DESI1: variants seen among roughly 807,000 people sequenced by gnomAD.
DESI1 encodes PPPDE peptidase domain containing 2.
A neutral mutation model predicts 22.4 loss-of-function variants in DESI1; 17 were observed. That is an observed-to-expected ratio of 0.76 (90% CI 0.52 to 1.14). The LOEUF (loss-of-function observed/expected upper bound fraction) is 1.14. Among genes scored for constraint, DESI1 ranks in the 50% most tolerant of loss-of-function variants. The probability of loss-of-function intolerance (pLI) is 0.00; values close to 1 mark genes in which losing one functional copy is unlikely to be tolerated. For missense variants in DESI1, 177 were observed against 208.9 expected, an observed-to-expected ratio of 0.85 and a Z score of 0.94; for synonymous variants, 92 against 84.2, an observed-to-expected ratio of 1.09 and a Z score of -0.51.
chr22:41,609,600 C>A (rs1203621371), intron 1 of DESI1, among the ~76,000 whole-genome samples: 3 of 151,188 alleles, frequency 2.0e-5, no homozygotes, highest in Non-Finnish European at 4.4e-5. Context: ...TCAAGACCAG[C>A]CTGGCCAACA....
At position 41,620,971 on chromosome 22, in the gene DESI1, G is replaced by A. The variant is rs2067592287; in HGVS notation, c.-132C>T. 1 of 940,562 alleles carries A rather than the reference G, an allele frequency of 1.1e-6. No homozygotes were observed. Among genetic ancestry groups the A allele is most frequent in the Non-Finnish European group, 1.6e-6 (1 of 628,364 alleles). The allele number at this position is 940,562 out of a possible 1,614,324, so 58.3% of individuals were successfully genotyped here. On this transcript the variant is annotated 5_prime_UTR_variant, in exon 1 of 6. Transcript: ENST00000263256. ...AGCCCGGGCCCGGGCTGAGGGGTGGGGGAGAGGCCGCCCTGCGCTGCTCGC... is the reference window on the plus strand; with the variant it reads ...AGCCCGGGCCCGGGCTGAGGGGTGGAGGAGAGGCCGCCCTGCGCTGCTCGC...
intron 3 of DESI1, among the ~76,000 whole-genome samples, chr22:41,605,214 T>C (rs2067472118): frequency 6.6e-6 from 1 of 152,196 alleles, no homozygotes; most frequent in African/African-American, 2.4e-5. Context: ...CTGGCAGATA[T>C]TTCCATAATT....
In DESI1 at chr22:41,602,878, C is replaced by T. The variant is rs534165705; in HGVS notation, c.413+381G>A. ...CAAATCAACAGCTACAAAACAAGCCCCCCTACTATTTTTCTGACCCCCTCT... is the reference window on the plus strand; with the variant it reads ...CAAATCAACAGCTACAAAACAAGCCTCCCTACTATTTTTCTGACCCCCTCT... On this transcript the variant is annotated intron_variant, in intron 5 of 5. Coordinates refer to ENST00000263256, the MANE Select transcript of DESI1 (RefSeq NM_015704.3). 1.3e-5 allele frequency: 12 copies of T among 931,698 alleles called. No homozygotes were observed. The South Asian group carries it at 3.0e-4, about 23-fold the overall frequency. 57.7% of individuals were successfully genotyped at this position (931,698 alleles called of 1,614,324 possible).
At chr22:41,620,366 T>G (rs917667790) in intron 1 of DESI1, among the ~76,000 whole-genome samples, 1 of 152,034 alleles carries the variant, frequency 6.6e-6, no homozygotes, top group Non-Finnish European at 1.5e-5. Context: ...CATCCTCACC[T>G]TTCCTACACC....
chr22:41,601,741 G>C (rs1459108390), intron 5 of DESI1, among the ~76,000 whole-genome samples: 1 of 152,172 alleles, frequency 6.6e-6, no homozygotes, highest in Non-Finnish European at 1.5e-5. Context: ...CCGAGACAGA[G>C]TCTACCTCTA....
chr22:41,616,855 G>GA (rs1479265954), intron 1 of DESI1, among the ~76,000 whole-genome samples: 1 of 152,154 alleles, frequency 6.6e-6, no homozygotes, highest in Non-Finnish European at 1.5e-5. Context: ...ATTGCTTCAG[G>GA]AAAGGGGAAT....
At chr22:41,604,656 C>T (rs900599450) in intron 3 of DESI1, among the ~76,000 whole-genome samples, 5 of 151,878 alleles carry the variant, frequency 3.3e-5, no homozygotes, top group African/African-American at 1.2e-4. Context: ...CCTTTGGCTT[C>T]CCTGAGGCAC....
chr22:41,603,411 A>G, intron 4 of DESI1, 30 bp from the exon 5 acceptor site: 1 of 1,613,954 alleles, frequency 6.2e-7, no homozygotes, highest in South Asian at 1.1e-5. Context: ...CAGAACATAT[A>G]TGAGAAACCA....
intron 1 of DESI1, among the ~76,000 whole-genome samples, chr22:41,618,744 C>A (rs1272971337): frequency 1.3e-5 from 2 of 152,168 alleles, no homozygotes; most frequent in Non-Finnish European, 2.9e-5. Flanking sequence ...AACTAAATGG[C>A]TCCATTCCAA....
intron 4 of DESI1, 125 bp from the exon 5 acceptor site, chr22:41,603,506 A>G: frequency 6.2e-6 from 9 of 1,442,164 alleles, no homozygotes; most frequent in Non-Finnish European, 8.6e-6. Context: ...CCCCCGTCTC[A>G]TACACCAGAA....
Position 41,611,781 on chromosome 22 carries a change from T to C in DESI1, c.89-3920A>G, listed in dbSNP as rs527990164. Among the ~76,000 whole-genome samples, 27 of 152,034 alleles carry C rather than the reference T, an allele frequency of 1.8e-4. No homozygotes were observed. The South Asian group carries it at 3.5e-3, about 20-fold the overall frequency. On this transcript the variant is annotated intron_variant, in intron 1 of 5. Transcript: ENST00000263256. ...CTAATTTTTCTATTTTTAGTAGATATGGGGTTTCACCATGTTGGCCAGGCT... is the reference window on the plus strand; with the variant it reads ...CTAATTTTTCTATTTTTAGTAGATACGGGGTTTCACCATGTTGGCCAGGCT...
At chr22:41,607,218 A>G (rs1055419241) in intron 3 of DESI1, 44 bp downstream of exon 3, 1 of 1,522,938 alleles carries the variant, frequency 6.6e-7, no homozygotes, top group Non-Finnish European at 8.8e-7. Flanking sequence ...AGGAGCCCCC[A>G]GGAACCTGAG....
At chr22:41,615,797 C>G (rs1054642679) in intron 1 of DESI1, among the ~76,000 whole-genome samples, 8 of 152,246 alleles carry the variant, frequency 5.3e-5, no homozygotes, top group Non-Finnish European at 4.4e-5. Flanking sequence ...CTCAGCTCAC[C>G]ATGGCCTCTC....
intron 5 of DESI1, 67 bp downstream of exon 5, chr22:41,603,192 G>A (rs1215012323): frequency 9.9e-6 from 16 of 1,609,382 alleles, no homozygotes; most frequent in Non-Finnish European, 1.3e-5. Context: ...CAGAGGAAGG[G>A]CACTGACCGT....
At chr22:41,616,658 G>A (rs936689234) in intron 1 of DESI1, among the ~76,000 whole-genome samples, 2 of 151,940 alleles carry the variant, frequency 1.3e-5, no homozygotes, top group Non-Finnish European at 2.9e-5. Context: ...ACTTATAATA[G>A]CTAATTATTT....
At chr22:41,601,245 A>G in intron 5 of DESI1, 55 bp from the exon 6 acceptor site, 1 of 1,521,344 alleles carries the variant, frequency 6.6e-7, no homozygotes, top group Non-Finnish European at 8.9e-7. Context: ...GCCTGCTGTC[A>G]CACACCCTGT....
chr22:41,607,292 G>A lies in DESI1; in HGVS notation c.150C>T (p.Phe50=), dbSNP rs377298692. The A allele has an allele frequency of 9.3e-6, 15 of 1,612,196 alleles. No homozygotes were observed. Among genetic ancestry groups the A allele is most frequent in the African/African-American group, 6.7e-5 (5 of 74,752 alleles). Residue 50 remains phenylalanine, a synonymous_variant, in exon 3 of 6, where the codon TTC becomes TTT. Transcript: ENST00000263256. ...GGCAGCTGGAGATACCACCACTGCCGAAGAAGAACTCATCCTTGTGCACAA... is the reference window on the plus strand; with the variant it reads ...GGCAGCTGGAGATACCACCACTGCCAAAGAAGAACTCATCCTTGTGCACAA... ...SIVVHKDEFF[F]GSGGISSCPP... is the part of the protein sequence containing the mutation.
At chr22:41,620,107 A>T (rs2067576400) in intron 1 of DESI1, among the ~76,000 whole-genome samples, 1 of 152,156 alleles carries the variant, frequency 6.6e-6, no homozygotes, top group African/African-American at 2.4e-5. Context: ...TTGCCATTTG[A>T]GCAAAAGCAA....
chr22:41,615,617 G>C (rs139932797), intron 1 of DESI1, among the ~76,000 whole-genome samples: 223 of 152,256 alleles, frequency 1.5e-3, no homozygotes, highest in African/African-American at 5.3e-3. Flanking sequence ...ACCTCTCTCA[G>C]ATTTGAATAA....
Sources: allele counts gnomAD v4.1 joint callset (sites outside exome capture counted in the v4.1 genomes callset), GRCh38; gene constraint gnomAD v4.1.1; transcripts MANE v1.5; gene names NCBI Gene and HGNC (gene_info 2026-07-23, HGNC 2026-07-21).